Variants in BBS5 observed in about 807,000 individuals in gnomAD.
BBS5 encodes the protein Bardet-Biedl syndrome 5, also known as BBSome complex member BBS5.
Under a neutral mutation model 50.2 loss-of-function variants are expected in BBS5, and 39 were observed. The observed-to-expected ratio is 0.78, with a 90% CI of 0.60 to 1.01. BBS5 has a LOEUF of 1.01. Among genes scored for constraint, BBS5 ranks in the 50% least tolerant of loss-of-function variants. The pLI is 0.00. For missense variants in BBS5, 356 were observed against 401.5 expected, an observed-to-expected ratio of 0.89 and a Z score of 0.97; for synonymous variants, 134 against 133.1, an observed-to-expected ratio of 1.01 and a Z score of -0.05.
chr2:169,504,733 T>G lies in BBS5; in HGVS notation c.*151T>G. 1 of 1,239,248 alleles carries G rather than the reference T, an allele frequency of 8.1e-7. No individual in the cohort carries two copies. Among genetic ancestry groups the G allele is most frequent in the Non-Finnish European group, 1.1e-6 (1 of 878,154 alleles). The allele number at this position is 1,239,248 out of a possible 1,614,324, so 76.8% of individuals were successfully genotyped here. On this transcript the variant is annotated 3_prime_UTR_variant, in exon 12 of 12. Transcript: ENST00000295240. ...TTTTAATGATTGAGGAAAAAGTCAT[T>G]TAGAAAACTTCAGTTTTCGGCCAGC...
chr2:169,499,452 G>C (rs1428290244), intron 8 of BBS5, 34 bp from the exon 9 acceptor site: 1 of 1,600,704 alleles, frequency 6.2e-7, no homozygotes, highest in Admixed American at 1.7e-5. Context: ...CTTCAGACTT[G>C]TTGGGTTTTT....
Position 169,504,710 on chromosome 2 carries a change from T to G in BBS5, c.*128T>G. On this transcript the variant is annotated 3_prime_UTR_variant, in exon 12 of 12. Coordinates refer to ENST00000295240, the MANE Select transcript of BBS5 (RefSeq NM_152384.3). ...ATATTTAAAACTTGTAAGAGTTTTT[T>G]TAATGATTGAGGAAAAAGTCATTTA... 1 of 1,194,200 alleles carries G rather than the reference T, an allele frequency of 8.4e-7. No individual in the cohort carries two copies. Among genetic ancestry groups the G allele is most frequent in the East Asian group, 2.5e-5 (1 of 39,532 alleles). 74.0% of individuals were successfully genotyped at this position (1,194,200 alleles called of 1,614,324 possible).
Position 169,487,111 on chromosome 2 carries a change from T to C in BBS5, c.185T>C (p.Leu62Ser), listed in dbSNP as rs370501865. Residue 62 changes from leucine to serine, a missense_variant, in exon 3 of 12, where the codon TTG (leucine) becomes TCG (serine). Leu to Ser is a moderately radical substitution (Grantham distance 145). Coordinates refer to ENST00000295240, the MANE Select transcript of BBS5 (RefSeq NM_152384.3). ...AATTTAAGAATTCTCTGGCACTCTT[T>C]GGCATTATCAAGAGTCAATGTTTGT... is the stretch of plus-strand genomic sequence containing the variant. ...VTNLRILWHSLALSRVNVSVG... is the reference protein window; with the variant it reads ...VTNLRILWHSSALSRVNVSVG... 1.2e-5 allele frequency: 20 copies of C among 1,611,492 alleles called. No individual in the cohort carries two copies. In the Admixed American group the frequency reaches 1.8e-4, roughly 15 times the overall value.
chr2:169,487,984 C>A lies in BBS5; in HGVS notation c.259-3C>A. On this transcript the variant is annotated splice_polypyrimidine_tract_variant and splice_region_variant and intron_variant, in intron 4 of 11. Coordinates refer to ENST00000295240, the MANE Select transcript of BBS5 (RefSeq NM_152384.3). ...GAACTTTTAAATAAATTTGTCCTTA[C>A]AGAAATTACGAGGCCAAACTGAAGC... 2 of 1,613,488 alleles carry A rather than the reference C, an allele frequency of 1.2e-6. No individual in the cohort carries two copies. The highest frequency in any genetic ancestry group is 1.7e-6 in the Non-Finnish European group (2 of 1,179,682).
At chr2:169,501,958 T>C (rs1683812876) in intron 9 of BBS5, among the ~76,000 whole-genome samples, 1 of 152,182 alleles carries the variant, frequency 6.6e-6, no homozygotes. Context: ...TGTGAGTCCC[T>C]ACTCAAATGC....
In BBS5 at chr2:169,505,674, C is replaced by G. The variant is rs914009850; in HGVS notation, c.*1092C>G. On this transcript the variant is annotated 3_prime_UTR_variant, in exon 12 of 12. Coordinates refer to ENST00000295240, the MANE Select transcript of BBS5 (RefSeq NM_152384.3). ...CCCGTCTGAGAAGTGAGGAGACCCT[C>G]CGCCTGGCAACCGCCCCGTCTGATA... 1 of 226,802 alleles carries G rather than the reference C, an allele frequency of 4.4e-6. No homozygotes were observed. Among genetic ancestry groups the G allele is most frequent in the Non-Finnish European group, 8.8e-6 (1 of 113,446 alleles). The allele number at this position is 226,802 out of a possible 1,614,324, so 14.0% of individuals were successfully genotyped here. A position where few individuals can be genotyped will look rare whatever the true frequency, so the allele number is the denominator to read the frequency against.
chr2:169,503,036 A>C, intron 9 of BBS5, 59 bp from the exon 10 acceptor site: 1 of 1,192,266 alleles, frequency 8.4e-7, no homozygotes, highest in Non-Finnish European at 1.2e-6. Flanking sequence ...CAGTATTTGC[A>C]GTTCTCATGG....
chr2:169,493,363 C>T (rs1331622522), intron 6 of BBS5, among the ~76,000 whole-genome samples: 1 of 152,148 alleles, frequency 6.6e-6, no homozygotes, highest in South Asian at 2.1e-4. Context: ...GTTTCTCTTA[C>T]TACAACTCCT....
chr2:169,488,822 A>G (rs1290873194), intron 5 of BBS5, among the ~76,000 whole-genome samples: 1 of 152,244 alleles, frequency 6.6e-6, no homozygotes, highest in Non-Finnish European at 1.5e-5. Flanking sequence ...TAAATTAGCT[A>G]CCAAGGTAGG....
At position 169,499,548 on chromosome 2, in the gene BBS5, G is replaced by C; in HGVS notation, c.744G>C (p.Lys248Asn). 1 of 1,613,334 alleles carries C rather than the reference G, an allele frequency of 6.2e-7. No homozygotes were observed. The highest frequency in any genetic ancestry group is 8.5e-7 in the Non-Finnish European group (1 of 1,179,430). ...TGGAAAAACTACAAGAATCAGTTAAGGAAATCAATTCACTTCACAAAGTCT... is the reference window on the plus strand; with the variant it reads ...TGGAAAAACTACAAGAATCAGTTAACGAAATCAATTCACTTCACAAAGTCT... ...DPVEKLQESV[K>N]EINSLHKVYS... Residue 248 changes from lysine (K) to asparagine (N), a missense_variant, in exon 9 of 12, where the codon AAG becomes AAC. Transcript: ENST00000295240.
chr2:169,501,492 C>T (rs1049728710), intron 9 of BBS5, among the ~76,000 whole-genome samples: 1 of 152,036 alleles, frequency 6.6e-6, no homozygotes, highest in Non-Finnish European at 1.5e-5. Flanking sequence ...TTGGAGCAGC[C>T]GAGGTGGGAG....
At chr2:169,487,479 T>A (rs540171758) in intron 3 of BBS5, among the ~76,000 whole-genome samples, 11 of 152,174 alleles carry the variant, frequency 7.2e-5, no homozygotes, top group African/African-American at 1.9e-4. Flanking sequence ...CTTATTTTTT[T>A]AAAGTATTTT....
rs766796632 is a variant in BBS5 at position 169,482,354 on chromosome 2, A to G, written c.142+21A>G. The G allele has an allele frequency of 2.1e-6, 3 of 1,395,952 alleles. No homozygotes were observed. In the South Asian group the frequency reaches 3.5e-5, roughly 16 times the overall value. 86.5% of individuals were successfully genotyped at this position (1,395,952 alleles called of 1,614,324 possible). On this transcript the variant is annotated intron_variant, in intron 2 of 11. Coordinates refer to ENST00000295240, the MANE Select transcript of BBS5 (RefSeq NM_152384.3). ...TAGAGGTGAGTATATTTTTAAATGTATCTTATATTCCTGGTTTAATTTACA... is the reference window on the plus strand; with the variant it reads ...TAGAGGTGAGTATATTTTTAAATGTGTCTTATATTCCTGGTTTAATTTACA...
rs753387321 is a variant in BBS5 at position 169,487,826 on chromosome 2, T to A, written c.229T>A (p.Leu77Met). The A allele has an allele frequency of 1.6e-5, 25 of 1,608,336 alleles. No homozygotes were observed. In the Admixed American group the frequency reaches 4.0e-4, roughly 26 times the overall value. The stretch of plus-strand genomic sequence containing the variant: ...TTTAGCTGTCGGTTACAATTGCATA[T>A]TGAATATTACAACAAGGACTGCTAA... ...VNVSVGYNCI[L>M]NITTRTANSK... The change falls in exon 4 of 12, where the codon TTG (leucine) becomes ATG (methionine). Residue 77 changes from leucine (L) to methionine (M), a missense_variant. Coordinates refer to ENST00000295240, the MANE Select transcript of BBS5 (RefSeq NM_152384.3).
At chr2:169,486,942 T>G in intron 2 of BBS5, 127 bp from the exon 3 acceptor site, 1 of 747,238 alleles carries the variant, frequency 1.3e-6, no homozygotes, top group South Asian at 1.5e-5. Flanking sequence ...ATATTTTCAG[T>G]TAATATATGA....
intron 5 of BBS5, among the ~76,000 whole-genome samples, chr2:169,492,100 A>G (rs1386254281): frequency 6.6e-6 from 1 of 151,846 alleles, no homozygotes; most frequent in Non-Finnish European, 1.5e-5. Flanking sequence ...CCCGGCCGAG[A>G]AAAAGTATTA....
chr2:169,483,590 A>G (rs528416087), intron 2 of BBS5, among the ~76,000 whole-genome samples: 15 of 152,238 alleles, frequency 9.9e-5, no homozygotes, highest in African/African-American at 3.6e-4. Flanking sequence ...AGACCTGGCG[A>G]TGTCTTTATT....
intron 2 of BBS5, among the ~76,000 whole-genome samples, chr2:169,482,986 GAA>G (rs893736768): frequency 6.7e-6 from 1 of 150,260 alleles, no homozygotes; most frequent in African/African-American, 2.4e-5. Context: ...TACTTCCAAG[GAA>G]AAAAAAATAG....
chr2:169,495,986 G>C (rs1387459833), intron 7 of BBS5, among the ~76,000 whole-genome samples: 4 of 152,162 alleles, frequency 2.6e-5, no homozygotes, highest in African/African-American at 9.7e-5. Context: ...ACTCTTGATG[G>C]GGTGTAAAGT....
Sources: gnomAD v4.1 joint callset for allele counts (sites outside exome capture counted in the v4.1 genomes callset) on GRCh38, gnomAD v4.1.1 for gene constraint, MANE v1.5 for transcripts, NCBI Gene and HGNC (gene_info 2026-07-23, HGNC 2026-07-21) for gene names.